The following FRMD3 variants were observed in gnomAD, a reference collection of about 807,000 sequenced individuals.
FRMD3 encodes FERM domain containing 3.
A neutral mutation model predicts 70.2 loss-of-function variants in FRMD3; 33 were observed. That is an observed-to-expected ratio of 0.47 (90% CI 0.36 to 0.63). The LOEUF (loss-of-function observed/expected upper bound fraction) is 0.63, where lower values mean the gene tolerates loss of function less well. FRMD3 is among the 20% of genes least tolerant of loss of function. The pLI is 0.00. For synonymous variants in FRMD3, 279 were observed against 255.9 expected, an observed-to-expected ratio of 1.09 and a Z score of -0.86; for missense variants, 632 against 711.4, an observed-to-expected ratio of 0.89 and a Z score of 1.27.
At chr9:83,313,622 C>A (rs770921264) in intron 7 of FRMD3, 38 bp downstream of exon 7, 4 of 1,516,268 alleles carry the variant, frequency 2.6e-6, no homozygotes, top group East Asian at 2.3e-5. Context: ...TTGGGCAAAA[C>A]AACCATTATA....
At chr9:83,498,078 G>T (rs1038058928) in intron 1 of FRMD3, among the ~76,000 whole-genome samples, 1 of 152,160 alleles carries the variant, frequency 6.6e-6, no homozygotes, top group Non-Finnish European at 1.5e-5. Flanking sequence ...AACCCAGGAG[G>T]TGGAGGTTGC....
chr9:83,458,827 A>T (rs887966069), intron 1 of FRMD3, among the ~76,000 whole-genome samples: 2 of 152,226 alleles, frequency 1.3e-5, no homozygotes, highest in Non-Finnish European at 2.9e-5. Context: ...CACTAAATGA[A>T]AAAAGGGACT....
At chr9:83,522,606 T>C (rs916331316) in intron 1 of FRMD3, among the ~76,000 whole-genome samples, 3 of 148,318 alleles carry the variant, frequency 2.0e-5, no homozygotes, top group Non-Finnish European at 3.0e-5. Flanking sequence ...TTCTGTCGCC[T>C]AGGCTGGAGT....
chr9:83,504,857 A>G (rs762648341), intron 1 of FRMD3, among the ~76,000 whole-genome samples: 53 of 152,328 alleles, frequency 3.5e-4, no homozygotes, highest in Middle Eastern at 3.4e-3. Flanking sequence ...GTATTTCAAC[A>G]TCCTCTCACG....
intron 1 of FRMD3, among the ~76,000 whole-genome samples, chr9:83,482,921 G>GAAGGT (rs1339796336): frequency 1.3e-5 from 2 of 152,216 alleles, no homozygotes; most frequent in African/African-American, 4.8e-5. Context: ...AAGGTGGCAG[G>GAAGGT]AAGGTATGAT....
chr9:83,338,143 C>T (rs1002904353), intron 5 of FRMD3, among the ~76,000 whole-genome samples: 4 of 152,142 alleles, frequency 2.6e-5, no homozygotes, highest in African/African-American at 9.7e-5. Flanking sequence ...CCCTAAGGGC[C>T]AGTGTAGGGA....
chr9:83,387,578 T>C (rs12337675), intron 2 of FRMD3, among the ~76,000 whole-genome samples: 62,467 of 152,074 alleles, frequency 0.41, 13,586 homozygotes, highest in Admixed American at 0.49. Flanking sequence ...AATAACCTGT[T>C]TGCAGTGGTG....
intron 9 of FRMD3, 124 bp from the exon 10 acceptor site, chr9:83,309,748 C>A (rs1835281486): frequency 1.7e-6 from 1 of 587,176 alleles, no homozygotes; most frequent in African/African-American, 1.9e-5. Flanking sequence ...CTTGAAGTAA[C>A]TTAACATATT....
At chr9:83,504,648 GAC>G (rs1255342026) in intron 1 of FRMD3, among the ~76,000 whole-genome samples, 1 of 151,820 alleles carries the variant, frequency 6.6e-6, no homozygotes, top group Non-Finnish European at 1.5e-5. Flanking sequence ...CCTTATCAGG[GAC>G]ACCTTCCCTG....
At chr9:83,446,591 G>A in intron 1 of FRMD3, among the ~76,000 whole-genome samples, 1 of 147,000 alleles carries the variant, frequency 6.8e-6, no homozygotes, top group East Asian at 2.0e-4. Flanking sequence ...AGCTTGCAGT[G>A]AGCCGAGATC....
At chr9:83,497,247 C>T (rs1289680051) in intron 1 of FRMD3, among the ~76,000 whole-genome samples, 1 of 152,060 alleles carries the variant, frequency 6.6e-6, no homozygotes, top group African/African-American at 2.4e-5. Flanking sequence ...AATTGTTCAG[C>T]TAGATAATGA....
chr9:83,534,238 C>G (rs185124293), intron 1 of FRMD3, among the ~76,000 whole-genome samples: 1 of 152,146 alleles, frequency 6.6e-6, no homozygotes, highest in Admixed American at 6.5e-5. Flanking sequence ...CCTACCTGAA[C>G]ATTCACAAGC....
chr9:83,267,599 T>C (rs908509198), intron 13 of FRMD3, among the ~76,000 whole-genome samples: 7 of 152,130 alleles, frequency 4.6e-5, no homozygotes, highest in Non-Finnish European at 1.0e-4. Context: ...ACAAGCCACT[T>C]CAAAGAGGGA....
intron 1 of FRMD3, among the ~76,000 whole-genome samples, chr9:83,394,990 A>G (rs911139655): frequency 1.3e-5 from 2 of 152,204 alleles, no homozygotes; most frequent in East Asian, 1.9e-4. Flanking sequence ...TCATTCATGT[A>G]TCTATTAAAC....
rs142927753 is a variant in FRMD3 at position 83,384,794 on chromosome 9, C to A, written c.252+4810G>T. Among the ~76,000 whole-genome samples the A allele has an allele frequency of 1.3e-3, 193 of 152,208 alleles. 3 individuals carry two copies. In the East Asian group the frequency reaches 0.033, roughly 26 times the overall value. ...AAATCCCGTGTATTTGGGTGTGAGT[C>A]AAAATCAGAAAAGTCAACAACACTG... On this transcript the variant is annotated intron_variant, in intron 2 of 13. Transcript: ENST00000304195.
chr9:83,503,449 T>C (rs1829117161), intron 1 of FRMD3, among the ~76,000 whole-genome samples: 1 of 152,136 alleles, frequency 6.6e-6, no homozygotes, highest in Non-Finnish European at 1.5e-5. Context: ...GTTCTACAAC[T>C]GCAAAGAACT....
intron 1 of FRMD3, among the ~76,000 whole-genome samples, chr9:83,399,353 T>C (rs1825889570): frequency 6.6e-6 from 1 of 152,222 alleles, no homozygotes; most frequent in Non-Finnish European, 1.5e-5. Context: ...CTTGTGTATC[T>C]GTTCCTAGTC....
At chr9:83,390,832 T>C (rs1358590331) in intron 1 of FRMD3, among the ~76,000 whole-genome samples, 1 of 152,216 alleles carries the variant, frequency 6.6e-6, no homozygotes, top group African/African-American at 2.4e-5. Context: ...GAGCTACTTT[T>C]TCAATCCACT....
chr9:83,452,361 C>T (rs1827684639), intron 1 of FRMD3, among the ~76,000 whole-genome samples: 1 of 152,130 alleles, frequency 6.6e-6, no homozygotes, highest in Non-Finnish European at 1.5e-5. Context: ...AACGTAGGCA[C>T]AGCATCACCT....
Sources: gnomAD v4.1 joint callset for allele counts (sites outside exome capture counted in the v4.1 genomes callset) on GRCh38, gnomAD v4.1.1 for gene constraint, MANE v1.5 for transcripts, NCBI Gene and HGNC (gene_info 2026-07-23, HGNC 2026-07-21) for gene names.